The following USP54 variants were observed in gnomAD, a reference collection of about 807,000 sequenced individuals.
The protein encoded by USP54 is ubiquitin carboxyl-terminal hydrolase 54.
USP54 carries 87 observed loss-of-function variants against 170.5 expected under a neutral mutation model. That is an observed-to-expected ratio of 0.51 (90% confidence interval 0.43 to 0.61). The LOEUF is 0.61. USP54 is among the 20% of genes least tolerant of loss of function. The pLI is 0.00. For missense variants in USP54, 1,786 were observed against 2,047.8 expected, an observed-to-expected ratio of 0.87 and a Z score of 2.47; for synonymous variants, 655 against 742.8, an observed-to-expected ratio of 0.88 and a Z score of 1.92.
rs2058778036 is a variant in USP54, at chr10:73,504,695, A to G, written c.4311+155T>C. ...CTGGGCTCCAGCTGAATGTTTGTAA[A>G]TAAAATAATGACTGCGTGTCCTTAT... On this transcript the variant is annotated intron_variant, in intron 22 of 23. Transcript: ENST00000687698. 1.6e-5 allele frequency: 16 copies of G among 998,076 alleles called. No individual in the cohort carries two copies. The South Asian group carries it at 1.7e-4, about 11-fold the overall frequency. The allele number at this position is 998,076 out of a possible 1,614,324, so 61.8% of individuals were successfully genotyped here.
intron 4 of USP54, among the ~76,000 whole-genome samples, chr10:73,559,903 TA>T (rs974442678): frequency 6.7e-6 from 1 of 149,974 alleles, no homozygotes; most frequent in South Asian, 2.1e-4. Context: ...ACATCTCTAC[TA>T]AAAATATATA....
intron 5 of USP54, among the ~76,000 whole-genome samples, chr10:73,544,132 G>A (rs762945086): frequency 4.6e-5 from 7 of 151,874 alleles, no homozygotes; most frequent in Non-Finnish European, 1.0e-4. Flanking sequence ...TAATAGAGAC[G>A]GCGTTTCACC....
At chr10:73,621,070 C>T (rs775806921) in intron 1 of USP54, among the ~76,000 whole-genome samples, 1 of 149,270 alleles carries the variant, frequency 6.7e-6, no homozygotes, top group East Asian at 2.0e-4. Flanking sequence ...GCAGGAGAAT[C>T]GCTTGAACCT....
At chr10:73,580,550 GT>G (rs2132129041) in intron 1 of USP54, among the ~76,000 whole-genome samples, 1 of 151,640 alleles carries the variant, frequency 6.6e-6, no homozygotes, top group Non-Finnish European at 1.5e-5. Context: ...TTACTATTGT[GT>G]TACAATTGCT....
At chr10:73,574,513 A>G (rs1008700244) in intron 3 of USP54, among the ~76,000 whole-genome samples, 2 of 152,190 alleles carry the variant, frequency 1.3e-5, no homozygotes, top group East Asian at 3.9e-4. Context: ...AACAGGCCAG[A>G]CACCTGTAAT....
chr10:73,502,076 C>A (rs545597043), intron 22 of USP54, among the ~76,000 whole-genome samples: 6 of 152,322 alleles, frequency 3.9e-5, no homozygotes, highest in African/African-American at 1.4e-4. Context: ...GCACCTTGAA[C>A]AGTGCCTAGA....
intron 20 of USP54, among the ~76,000 whole-genome samples, 177 bp downstream of exon 20, chr10:73,516,198 T>G (rs1677480979): frequency 6.6e-6 from 1 of 152,214 alleles, no homozygotes; most frequent in Non-Finnish European, 1.5e-5. Flanking sequence ...TCCTCCACTC[T>G]AGCCAGAAAA....
intron 1 of USP54, chr10:73,606,406 G>T (rs1207257698): frequency 6.6e-6 from 1 of 151,864 alleles, no homozygotes; most frequent in Non-Finnish European, 1.5e-5. Context: ...AGGTGGGAAG[G>T]AATTACTTGA....
intron 14 of USP54, 68 bp from the exon 15 acceptor site, chr10:73,529,979 ACTAGCTCCTCCCT>A: frequency 6.7e-7 from 1 of 1,499,276 alleles, no homozygotes; most frequent in Non-Finnish European, 8.9e-7. Flanking sequence ...TCAAGACCTA[ACTAGCTCCTCCCT>A]CTAGCTACTT....
chr10:73,551,203 G>A (rs1413135542), intron 4 of USP54, among the ~76,000 whole-genome samples: 1 of 152,166 alleles, frequency 6.6e-6, no homozygotes, highest in African/African-American at 2.4e-5. Context: ...ACAGATTACT[G>A]TGTAACCTGC....
At chr10:73,614,836 G>A (rs1362199318) in intron 1 of USP54, among the ~76,000 whole-genome samples, 2 of 150,210 alleles carry the variant, frequency 1.3e-5, no homozygotes, top group Admixed American at 6.6e-5. Flanking sequence ...GATGGAGAGA[G>A]CCTACTTAAG....
chr10:73,562,316 T>C (rs113597219), intron 4 of USP54, among the ~76,000 whole-genome samples: 5,369 of 152,256 alleles, frequency 0.035, 152 homozygotes, highest in South Asian at 0.11. Context: ...ACCCATGTGC[T>C]CACCACCCAA....
At chr10:73,560,398 T>C (rs1350257675) in intron 4 of USP54, among the ~76,000 whole-genome samples, 1 of 151,436 alleles carries the variant, frequency 6.6e-6, no homozygotes, top group Non-Finnish European at 1.5e-5. Flanking sequence ...CTCACGCCTG[T>C]AATCCCAGCA....
At chr10:73,501,626 A>G (rs2133125872) in intron 22 of USP54, among the ~76,000 whole-genome samples, 1 of 152,302 alleles carries the variant, frequency 6.6e-6, no homozygotes, top group South Asian at 2.1e-4. Flanking sequence ...CTACTGCAAC[A>G]GCCTTCAATC....
chr10:73,600,870 C>T (rs1355247966), intron 1 of USP54, among the ~76,000 whole-genome samples: 7 of 152,160 alleles, frequency 4.6e-5, no homozygotes, highest in South Asian at 2.1e-4. Context: ...GCCGGGATCG[C>T]GCCACTGCAC....
Position 73,570,047 on chromosome 10 carries a change from A to T in USP54, c.240+1374T>A, listed in dbSNP as rs542714098. ...TTTTGGTTACAGTTCCTATTTCAGGATGTAAAAGCAACTATTATAAATTAA... is the reference window on the plus strand; with the variant it reads ...TTTTGGTTACAGTTCCTATTTCAGGTTGTAAAAGCAACTATTATAAATTAA... On this transcript the variant is annotated intron_variant, in intron 4 of 23. Transcript: ENST00000687698. 3.3e-5 allele frequency among the ~76,000 whole-genome samples: 5 copies of T among 151,286 alleles called. No individual in the cohort carries two copies. The South Asian group carries it at 1.1e-3, about 32-fold the overall frequency.
chr10:73,500,745 G>A lies in USP54; in HGVS notation c.4405C>T (p.Leu1469Phe), dbSNP rs2057940375. The A allele has an allele frequency of 6.2e-7, 1 of 1,603,956 alleles. No homozygotes were observed. The stretch of plus-strand genomic sequence containing the variant: ...TGGGGAAGGTAGAGTTGGGGACCGA[G>A]GAGAAACACAGAAGGGTCATGGATG... ...PVIHDPSVFLLGPQLYLPQPQ... is the reference protein window; with the variant it reads ...PVIHDPSVFLFGPQLYLPQPQ... Residue 1469 changes from leucine to phenylalanine, a missense_variant, in exon 23 of 24, where the codon CTC becomes TTC. Physicochemically the swap from Leu to Phe is conservative, Grantham distance 22. Around this residue, in one of 3 missense-constraint regions of USP54, gnomAD observed 1,418 missense variants for 1,569.0 expected, o/e 0.90. Coordinates refer to ENST00000687698, the MANE Select transcript of USP54 (RefSeq NM_001391956.1).
At chr10:73,520,537 G>C (rs2061732266) in intron 18 of USP54, among the ~76,000 whole-genome samples, 1 of 152,326 alleles carries the variant, frequency 6.6e-6, no homozygotes, top group African/African-American at 2.4e-5. Context: ...TCACAGGCCT[G>C]GGAAGTCATA....
At chr10:73,609,197 A>G (rs935587900) in intron 1 of USP54, among the ~76,000 whole-genome samples, 1 of 152,214 alleles carries the variant, frequency 6.6e-6, no homozygotes, top group African/African-American at 2.4e-5. Context: ...AATGACCATG[A>G]GTAAAGATAA....
Sources: allele counts gnomAD v4.1 joint callset (sites outside exome capture counted in the v4.1 genomes callset), GRCh38; gene constraint gnomAD v4.1.1; regional missense constraint gnomAD v4.1.1; transcripts MANE v1.5; gene names NCBI Gene and HGNC (gene_info 2026-07-23, HGNC 2026-07-21).